The following GRIP1 variants were observed in gnomAD, a reference collection of about 807,000 sequenced individuals.
GRIP1 encodes glutamate receptor interacting protein 1.
GRIP1 carries 45 observed loss-of-function variants against 129.9 expected under a neutral mutation model. The ratio of observed to expected loss-of-function variants is 0.35; its 90% CI spans 0.27 to 0.44. The LOEUF (loss-of-function observed/expected upper bound fraction) is 0.44. GRIP1 is among the 20% of genes least tolerant of loss of function. GRIP1 has a pLI of 1.00. For synonymous variants in GRIP1, 530 were observed against 520.8 expected (o/e 1.02, Z -0.24); for missense variants, 1,196 against 1,396.8 (o/e 0.86, Z 2.29).
chr12:66,897,272 AAAG>A (rs1275756135), intron 1 of GRIP1, among the ~76,000 whole-genome samples: 3 of 152,134 alleles, frequency 2.0e-5, no homozygotes, highest in African/African-American at 7.2e-5. Flanking sequence ...AAAGTGCCCT[AAAG>A]CCCTGCCCCA....
intron 4 of GRIP1, among the ~76,000 whole-genome samples, chr12:66,530,591 T>G (rs758528752): frequency 1.3e-5 from 2 of 152,196 alleles, no homozygotes; most frequent in Non-Finnish European, 2.9e-5. Flanking sequence ...AATTGTATTG[T>G]CAAGCTGCAA....
At chr12:66,691,079 T>C (rs1164389586) in intron 1 of GRIP1, among the ~76,000 whole-genome samples, 1 of 152,190 alleles carries the variant, frequency 6.6e-6, no homozygotes, top group Non-Finnish European at 1.5e-5. Flanking sequence ...AATACAAGAA[T>C]TAGTCAAGGG....
chr12:66,617,302 A>G (rs974303520), intron 1 of GRIP1, among the ~76,000 whole-genome samples: 9 of 151,916 alleles, frequency 5.9e-5, no homozygotes, highest in Non-Finnish European at 1.3e-4. Flanking sequence ...AAAAAAAAAA[A>G]AAAAAGATGC....
At chr12:66,913,140 C>T (rs1384402613) in intron 1 of GRIP1, among the ~76,000 whole-genome samples, 1 of 152,118 alleles carries the variant, frequency 6.6e-6, no homozygotes, top group Admixed American at 6.6e-5. Flanking sequence ...GCTTTAGTAC[C>T]TGAAACAAGT....
rs1482560274 is a variant in GRIP1 at position 66,743,157 on chromosome 12, A to AC, written c.-420+60895dup. 3.9e-5 allele frequency among the ~76,000 whole-genome samples: 6 copies of AC among 152,030 alleles called. No homozygotes were observed. In the South Asian group the frequency reaches 8.3e-4, roughly 21 times the overall value. On this transcript the variant is annotated intron_variant, in intron 1 of 4. Coordinates refer to the GRIP1 transcript ENST00000538373. ...GACTGCATTTACTCACCTAACATCT[A>AC]CCCCAGGGATTAGATGGCATGCAAC...
At chr12:66,997,304 A>G (rs1262897571) in intron 1 of GRIP1, among the ~76,000 whole-genome samples, 1 of 152,004 alleles carries the variant, frequency 6.6e-6, no homozygotes, top group Admixed American at 6.6e-5. Flanking sequence ...GAAAGCTGGG[A>G]GCCACAGCAC....
At chr12:66,863,683 G>A (rs1469216029) in intron 1 of GRIP1, among the ~76,000 whole-genome samples, 2 of 152,120 alleles carry the variant, frequency 1.3e-5, no homozygotes, top group African/African-American at 2.4e-5. Context: ...GATAGGAAAG[G>A]AGAGCAGAAG....
intron 1 of GRIP1, among the ~76,000 whole-genome samples, chr12:66,835,380 G>A (rs2039595079): frequency 6.6e-6 from 1 of 152,168 alleles, no homozygotes; most frequent in Admixed American, 6.5e-5. Context: ...GCACATGGAT[G>A]TTTATATCAT....
intron 23 of GRIP1, among the ~76,000 whole-genome samples, chr12:66,369,455 G>A (rs193005761): frequency 1.4e-4 from 21 of 151,406 alleles, no homozygotes; most frequent in Non-Finnish European, 2.2e-4. Context: ...GTGAAGGAGG[G>A]ATGAGAAAAC....
At chr12:66,676,247 A>G (rs982612179) in intron 1 of GRIP1, among the ~76,000 whole-genome samples, 11 of 152,210 alleles carry the variant, frequency 7.2e-5, no homozygotes, top group African/African-American at 2.7e-4. Flanking sequence ...TGTATTAGAT[A>G]TATGAAGAAT....
At chr12:66,844,964 T>C (rs1407340695) in intron 1 of GRIP1, among the ~76,000 whole-genome samples, 5 of 152,078 alleles carry the variant, frequency 3.3e-5, no homozygotes, top group Non-Finnish European at 7.4e-5. Context: ...TGAGAAGTGA[T>C]GGGAATGATG....
chr12:66,676,687 G>T (rs768088518), intron 1 of GRIP1, among the ~76,000 whole-genome samples: 38 of 152,150 alleles, frequency 2.5e-4, no homozygotes, highest in Non-Finnish European at 2.8e-4. Flanking sequence ...GAGGGTGAGG[G>T]TGTGGGAGTT....
chr12:66,566,801 A>G (rs953656312), intron 2 of GRIP1, among the ~76,000 whole-genome samples: 2 of 152,122 alleles, frequency 1.3e-5, no homozygotes, highest in African/African-American at 4.8e-5. Flanking sequence ...TCATTGCTTC[A>G]ATTTCAGAGC....
intron 15 of GRIP1, among the ~76,000 whole-genome samples, chr12:66,411,144 G>A (rs374404214): frequency 7.2e-5 from 11 of 152,226 alleles, no homozygotes; most frequent in Middle Eastern, 3.4e-3. Flanking sequence ...TCTGTCAAGC[G>A]GCAGCCAGAC....
intron 1 of GRIP1, among the ~76,000 whole-genome samples, chr12:66,635,434 AG>A (rs1408906506): frequency 4.5e-4 from 68 of 152,030 alleles, no homozygotes; most frequent in African/African-American, 1.5e-3. Context: ...TAAAAAAAAA[AG>A]AAAAAAAGAA....
chr12:66,821,474 G>T (rs1427015989), intron 1 of GRIP1, among the ~76,000 whole-genome samples: 1 of 152,046 alleles, frequency 6.6e-6, no homozygotes. Context: ...ATCTTGCTTT[G>T]TGATGTAAGA....
intron 1 of GRIP1, among the ~76,000 whole-genome samples, chr12:66,903,959 C>T (rs1708727814): frequency 6.6e-6 from 1 of 152,218 alleles, no homozygotes; most frequent in Non-Finnish European, 1.5e-5. Flanking sequence ...TCCCTAGACA[C>T]AGCAGTGCAG....
At chr12:66,673,467 T>C (rs2034177289) in intron 1 of GRIP1, among the ~76,000 whole-genome samples, 1 of 151,790 alleles carries the variant, frequency 6.6e-6, no homozygotes, top group South Asian at 2.1e-4. Context: ...GGGTGTAGAC[T>C]CCTTCTTGTT....
At chr12:66,647,715 A>G (rs560919500) in intron 1 of GRIP1, among the ~76,000 whole-genome samples, 1 of 152,236 alleles carries the variant, frequency 6.6e-6, no homozygotes, top group Non-Finnish European at 1.5e-5. Flanking sequence ...ATGGTAAAAA[A>G]TCTTTTGACT....
Sources: allele counts gnomAD v4.1 joint callset (sites outside exome capture counted in the v4.1 genomes callset), GRCh38; gene constraint gnomAD v4.1.1; transcripts MANE v1.5; gene names NCBI Gene and HGNC (gene_info 2026-07-23, HGNC 2026-07-21).